Variants in MFSD6 observed in about 807,000 individuals in gnomAD.
The protein encoded by MFSD6 is major facilitator superfamily domain containing 6, also known as major facilitator superfamily domain-containing protein 6.
MFSD6 carries 26 observed loss-of-function variants against 56.3 expected under a neutral mutation model. That is an observed-to-expected ratio of 0.46 (90% CI 0.34 to 0.64). The LOEUF is 0.64. Among genes scored for constraint, MFSD6 ranks in the 30% least tolerant of loss-of-function variants. The pLI is 0.01. For synonymous variants in MFSD6, 331 were observed against 366.9 expected (o/e 0.90, Z 1.12); for missense variants, 750 against 986.2 (o/e 0.76, Z 3.21).
intron 3 of MFSD6, among the ~76,000 whole-genome samples, chr2:190,460,714 G>T (rs1399128688): frequency 6.6e-6 from 1 of 152,180 alleles, no homozygotes; most frequent in Non-Finnish European, 1.5e-5. Flanking sequence ...AATGGACCAG[G>T]CATGAGATGG....
In MFSD6 at chr2:190,447,186, A is replaced by G. The variant is rs1400075449; in HGVS notation, c.1532+9625A>G. Among the ~76,000 whole-genome samples the G allele has an allele frequency of 2.0e-5, 3 of 152,236 alleles. No homozygotes were observed. Among genetic ancestry groups the G allele is most frequent in the Non-Finnish European group, 4.4e-5 (3 of 68,042 alleles). On this transcript the variant is annotated intron_variant, in intron 3 of 7. Transcript: ENST00000392328. This position sits in a 1 kb window ranked among gnomAD's most constrained non-coding sequence, Gnocchi z 4.5. The stretch of plus-strand genomic sequence containing the variant: ...ATGGAATTATTTTAACACAATGAGT[A>G]TTAGAGAATGGAGCTAATTAGAGCT...
intron 2 of MFSD6, among the ~76,000 whole-genome samples, chr2:190,428,707 T>C (rs1480168810): frequency 2.0e-5 from 3 of 152,078 alleles, no homozygotes. Flanking sequence ...AGAGTTGCAC[T>C]CTTTCACCCA....
chr2:190,500,282 GC>G lies in MFSD6; in HGVS notation c.*70del. The G allele has an allele frequency of 1.3e-6, 2 of 1,569,818 alleles. No individual in the cohort carries two copies. The highest frequency in any genetic ancestry group is 8.7e-7 in the Non-Finnish European group (1 of 1,146,534). On this transcript the variant is annotated 3_prime_UTR_variant, in exon 8 of 8. Coordinates refer to ENST00000392328, the MANE Select transcript of MFSD6 (RefSeq NM_017694.4). The surrounding 1 kb of genome is among the most constrained non-coding windows in gnomAD (Gnocchi z 5.3). ...CTCCTCAGCCAGGACACAGGGTGAG[GC>G]CCCCCAGCCAGGATATGCCTCCCCT...
chr2:190,493,448 C>T (rs569122212), intron 6 of MFSD6, among the ~76,000 whole-genome samples: 3 of 152,262 alleles, frequency 2.0e-5, no homozygotes, highest in South Asian at 2.1e-4. Flanking sequence ...GACGTCAGTA[C>T]TCCACTGACA....
In MFSD6 at chr2:190,436,507, G is replaced by A. The variant is rs773069224; in HGVS notation, c.478G>A (p.Val160Ile). The A allele has an allele frequency of 7.4e-6, 12 of 1,614,056 alleles. No homozygotes were observed. In the South Asian group the frequency reaches 1.2e-4, roughly 16 times the overall value. The change falls in exon 3 of 8, where the codon GTA (valine) becomes ATA (isoleucine). Residue 160 changes from valine (V) to isoleucine (I), a missense_variant. By Grantham distance (29) the Val-to-Ile change is conservative (BLOSUM62 3). Around this residue, in one of 5 missense-constraint regions of MFSD6, gnomAD observed 376 missense variants for 437.9 expected, o/e 0.86. Coordinates refer to ENST00000392328, the MANE Select transcript of MFSD6 (RefSeq NM_017694.4). The surrounding 1 kb of genome is among the most constrained non-coding windows in gnomAD (Gnocchi z 5.3). ...TGTCAAACCTGCTACCTTGAGATGT[G>A]TACCAAAGATTCGCCCAACAACTCA... ...GFVKPATLRC[V>I]PKIRPTTHPT...
At chr2:190,475,033 C>T (rs1688205795) in intron 4 of MFSD6, among the ~76,000 whole-genome samples, 2 of 152,148 alleles carry the variant, frequency 1.3e-5, no homozygotes, top group Non-Finnish European at 2.9e-5. Flanking sequence ...GCTAAAAACT[C>T]TCAATAAATT....
At chr2:190,470,018 T>G (rs1365315135) in intron 4 of MFSD6, among the ~76,000 whole-genome samples, 163 bp downstream of exon 4, 2 of 152,182 alleles carry the variant, frequency 1.3e-5, no homozygotes, top group Non-Finnish European at 2.9e-5. Context: ...GGAGGGATGG[T>G]TCCTTGGTTA....
At position 190,434,196 on chromosome 2, in the gene MFSD6, G is replaced by GA. The variant is rs1278128631; in HGVS notation, c.-53-1773dup. ...ACCCTGTCTCTCAAAAAAAAAAAAAGAAAAAAAAGAAAAGAAGGTGAAAGG... is the reference window on the plus strand; with the variant it reads ...ACCCTGTCTCTCAAAAAAAAAAAAAGAAAAAAAAAGAAAAGAAGGTGAAAGG... On this transcript the variant is annotated intron_variant, in intron 2 of 7. Coordinates refer to ENST00000392328, the MANE Select transcript of MFSD6 (RefSeq NM_017694.4). The surrounding 1 kb of genome is among the most constrained non-coding windows in gnomAD (Gnocchi z 4.3). Among the ~76,000 whole-genome samples the GA allele has an allele frequency of 2.3e-5, 3 of 131,554 alleles. No homozygotes were observed. Among genetic ancestry groups the GA allele is most frequent in the Non-Finnish European group, 1.7e-5 (1 of 60,250 alleles). 86.3% of individuals were successfully genotyped at this position (131,554 alleles called of 152,430 possible). A position where few individuals can be genotyped will look rare whatever the true frequency, so the allele number is the denominator to read the frequency against.
chr2:190,488,709 C>T lies in MFSD6; in HGVS notation c.1683C>T (p.Ala561=), dbSNP rs370728687. Residue 561 remains alanine, a synonymous_variant, in exon 5 of 8, where the codon GCC becomes GCT. Transcript: ENST00000392328. This position sits in a 1 kb window ranked among gnomAD's most constrained non-coding sequence, Gnocchi z 6.4. The part of the protein sequence containing the change: ...WAACISYLSA[A]VPPELRTSAQ... Reference sequence around the variant, plus strand: ...CATGCATTTCTTACCTCAGTGCAGCCGTTCCCCCTGAGCTGAGGACATCTG... The same window carrying T: ...CATGCATTTCTTACCTCAGTGCAGCTGTTCCCCCTGAGCTGAGGACATCTG... 5.0e-6 allele frequency: 8 copies of T among 1,604,836 alleles called. No individual in the cohort carries two copies. Among genetic ancestry groups the T allele is most frequent in the African/African-American group, 4.0e-5 (3 of 74,452 alleles).
rs1690606124 is a variant in MFSD6, at chr2:190,412,659, C to T, written c.-175-2633C>T. The T allele has an allele frequency of 1.0e-6, 1 of 961,074 alleles. No individual in the cohort carries two copies. The highest frequency in any genetic ancestry group is 1.2e-6 in the Non-Finnish European group (1 of 807,846). The allele number at this position is 961,074 out of a possible 1,614,324, so 59.5% of individuals were successfully genotyped here. On this transcript the variant is annotated intron_variant, in intron 1 of 7. Transcript: ENST00000392328. The surrounding 1 kb of genome is among the most constrained non-coding windows in gnomAD (Gnocchi z 4.1). ...ATTTCCTTTGAGTTTATAATTCCTC[C>T]ATGTTTAATTATCCAACATTAGCTG...
In MFSD6 at chr2:190,494,829, C is replaced by T. The variant is rs59465534; in HGVS notation, c.1892-2610C>T. On this transcript the variant is annotated intron_variant, in intron 6 of 7. Transcript: ENST00000392328. The surrounding 1 kb of genome is among the most constrained non-coding windows in gnomAD (Gnocchi z 5.7). The stretch of plus-strand genomic sequence containing the variant: ...TTATGATTAAAACCCTTAGCAAAAT[C>T]AGCATACAAGAGACATAACACAGTG... Among the ~76,000 whole-genome samples, 2,810 of 152,066 alleles carry T rather than the reference C, an allele frequency of 0.018. 110 individuals carry two copies. Among genetic ancestry groups the T allele is most frequent in the African/African-American group, 0.064 (2,650 of 41,516 alleles).
At chr2:190,483,715 G>A (rs934478626) in intron 4 of MFSD6, among the ~76,000 whole-genome samples, 2 of 151,644 alleles carry the variant, frequency 1.3e-5, no homozygotes, top group Admixed American at 1.3e-4. Flanking sequence ...CACACCTGTA[G>A]TCCCAGCTAC....
In MFSD6 at chr2:190,467,568, G is replaced by A. The variant is rs985202704; in HGVS notation, c.1533-2190G>A. 2.6e-5 allele frequency among the ~76,000 whole-genome samples: 4 copies of A among 152,080 alleles called. No individual in the cohort carries two copies. Among genetic ancestry groups the A allele is most frequent in the Non-Finnish European group, 4.4e-5 (3 of 68,018 alleles). The stretch of plus-strand genomic sequence containing the variant: ...GCGGAGGTTTCAGTGAGCCGAGATC[G>A]TGCCACTGCTCTCTAGCCTCGGCAA... On this transcript the variant is annotated intron_variant, in intron 3 of 7. Coordinates refer to ENST00000392328, the MANE Select transcript of MFSD6 (RefSeq NM_017694.4). The surrounding 1 kb of genome is among the most constrained non-coding windows in gnomAD (Gnocchi z 5.5).
At chr2:190,477,188 AAAACTT>A (rs2125182441) in intron 4 of MFSD6, 1 of 919,434 alleles carries the variant, frequency 1.1e-6, no homozygotes, top group East Asian at 1.2e-4. Context: ...CATGTACCCT[AAAACTT>A]AAAGTATAAT....
At chr2:190,411,192 G>A (rs1575809787) in intron 1 of MFSD6, 5 of 904,974 alleles carry the variant, frequency 5.5e-6, no homozygotes, top group South Asian at 5.2e-5. Context: ...ACAGAGTCTC[G>A]CTCTGTCACC....
rs1687052097 is a variant in MFSD6, at chr2:190,456,628, C to G, written c.1533-13130C>G. Among the ~76,000 whole-genome samples, 1 of 152,216 alleles carries G rather than the reference C, an allele frequency of 6.6e-6. No individual in the cohort carries two copies. Among genetic ancestry groups the G allele is most frequent in the East Asian group, 1.9e-4 (1 of 5,196 alleles). On this transcript the variant is annotated intron_variant, in intron 3 of 7. Transcript: ENST00000392328. This position sits in a 1 kb window ranked among gnomAD's most constrained non-coding sequence, Gnocchi z 5.4. ...TTCTCTCTGTGGCCTGTTCACACCC[C>G]TCTCCTTTCACAATCCTGTGTATGG...
chr2:190,440,008 A>T (rs1686313666), intron 3 of MFSD6, among the ~76,000 whole-genome samples: 1 of 152,198 alleles, frequency 6.6e-6, no homozygotes, highest in Non-Finnish European at 1.5e-5. Context: ...AAGAGAAATG[A>T]TCTCTGAATT....
intron 4 of MFSD6, among the ~76,000 whole-genome samples, chr2:190,475,127 T>C (rs1275963353): frequency 2.0e-5 from 3 of 151,386 alleles, no homozygotes; most frequent in African/African-American, 4.8e-5. Flanking sequence ...GGGCAAAAAC[T>C]GGAAGCATTC....
At position 190,467,961 on chromosome 2, in the gene MFSD6, CT is replaced by C. The variant is rs1487316751; in HGVS notation, c.1533-1794del. 6.6e-6 allele frequency among the ~76,000 whole-genome samples: 1 copy of C among 152,188 alleles called. No individual in the cohort carries two copies. Among genetic ancestry groups the C allele is most frequent in the East Asian group, 1.9e-4 (1 of 5,208 alleles). On this transcript the variant is annotated intron_variant, in intron 3 of 7. Transcript: ENST00000392328. This position sits in a 1 kb window ranked among gnomAD's most constrained non-coding sequence, Gnocchi z 5.5. ...AGCCTAAACTGTTTAATGTGTGGTC[CT>C]TTATAGAAAAGTGTTTGCTGACCCC...
Sources: allele counts gnomAD v4.1 joint callset (sites outside exome capture counted in the v4.1 genomes callset), GRCh38; gene constraint gnomAD v4.1.1; regional missense constraint gnomAD v4.1.1; non-coding constraint Gnocchi (gnomAD v3.1); transcripts MANE v1.5; gene names NCBI Gene and HGNC (gene_info 2026-07-23, HGNC 2026-07-21).